NIBAN1: variants seen among roughly 807,000 people sequenced by gnomAD.
The protein encoded by NIBAN1 is protein Niban 1.
A neutral mutation model predicts 75.1 loss-of-function variants in NIBAN1; 81 were observed. The ratio of observed to expected loss-of-function variants is 1.08; its 90% CI spans 0.90 to 1.30. NIBAN1 has a LOEUF of 1.30. NIBAN1 is among the 50% of genes most tolerant of loss of function. The pLI, the probability that NIBAN1 is intolerant of heterozygous loss-of-function variation, is 0.00. For missense variants in NIBAN1, 1,133 were observed against 1,128.1 expected (o/e 1.00, Z -0.06); for synonymous variants, 436 against 424.8 (o/e 1.03, Z -0.32).
intron 3 of NIBAN1, among the ~76,000 whole-genome samples, chr1:184,892,926 C>T (rs1656708593): frequency 6.6e-6 from 1 of 152,166 alleles, no homozygotes; most frequent in African/African-American, 2.4e-5. Flanking sequence ...CATGCACCAG[C>T]ATGCCCAGCT....
chr1:184,837,254 C>T (rs1354685454), intron 5 of NIBAN1, among the ~76,000 whole-genome samples: 1 of 152,144 alleles, frequency 6.6e-6, no homozygotes, highest in Non-Finnish European at 1.5e-5. Context: ...TGGTTTTTGG[C>T]TTTTAAGCAG....
intron 1 of NIBAN1, among the ~76,000 whole-genome samples, chr1:184,933,443 C>G (rs1033326229): frequency 6.6e-6 from 1 of 152,140 alleles, no homozygotes; most frequent in African/African-American, 2.4e-5. Context: ...CCTTTTAAAC[C>G]CCTTCTCTGG....
At chr1:184,842,758 C>T (rs536312858) in intron 5 of NIBAN1, among the ~76,000 whole-genome samples, 1 of 126,506 alleles carries the variant, frequency 7.9e-6, no homozygotes, top group African/African-American at 3.0e-5. Context: ...AAGTGAAACT[C>T]TGTCTCAAAA....
chr1:184,929,626 A>G (rs1657771598), intron 1 of NIBAN1, among the ~76,000 whole-genome samples: 1 of 152,178 alleles, frequency 6.6e-6, no homozygotes, highest in East Asian at 1.9e-4. Flanking sequence ...TTTAAGCATA[A>G]AACTCACTTG....
At chr1:184,842,142 C>A (rs1205407757) in intron 5 of NIBAN1, among the ~76,000 whole-genome samples, 1 of 152,212 alleles carries the variant, frequency 6.6e-6, no homozygotes, top group African/African-American at 2.4e-5. Flanking sequence ...TGGTTACAAA[C>A]AAACCCAGGT....
At chr1:184,900,223 G>C (rs948575997) in intron 1 of NIBAN1, among the ~76,000 whole-genome samples, 2 of 152,006 alleles carry the variant, frequency 1.3e-5, no homozygotes, top group Admixed American at 1.3e-4. Flanking sequence ...CAATATTTCT[G>C]GTTTAAAATT....
chr1:184,919,871 C>A (rs960834458), intron 1 of NIBAN1, among the ~76,000 whole-genome samples: 9 of 148,866 alleles, frequency 6.0e-5, no homozygotes, highest in Non-Finnish European at 1.3e-4. Context: ...TAATCACAGG[C>A]AATCAAAAGT....
chr1:184,828,264 T>C (rs75762256), intron 6 of NIBAN1, among the ~76,000 whole-genome samples: 2 of 152,272 alleles, frequency 1.3e-5, no homozygotes, highest in South Asian at 4.1e-4. Flanking sequence ...GGCCTTCCAT[T>C]CTTGCTGTGT....
At chr1:184,965,816 T>TA (rs941717013) in intron 1 of NIBAN1, among the ~76,000 whole-genome samples, 7 of 151,752 alleles carry the variant, frequency 4.6e-5, no homozygotes, top group African/African-American at 1.2e-4. Flanking sequence ...AAATAAAAGT[T>TA]AAAAAAAAGG....
intron 1 of NIBAN1, among the ~76,000 whole-genome samples, chr1:184,956,426 C>T (rs188727701): frequency 2.6e-5 from 4 of 152,286 alleles, no homozygotes; most frequent in East Asian, 1.9e-4. Context: ...TAACCTTCAA[C>T]TCAAATTCAG....
At chr1:184,872,698 ACT>A (rs1363923204) in intron 5 of NIBAN1, among the ~76,000 whole-genome samples, 2 of 150,956 alleles carry the variant, frequency 1.3e-5, no homozygotes, top group Admixed American at 1.3e-4. Flanking sequence ...CAAGAGGGAA[ACT>A]CTGTATCAAA....
intron 1 of NIBAN1, among the ~76,000 whole-genome samples, chr1:184,905,762 C>A (rs893278694): frequency 2.6e-5 from 4 of 152,190 alleles, no homozygotes. Flanking sequence ...TATAGCTTAT[C>A]TCTCCTCCAA....
intron 9 of NIBAN1, among the ~76,000 whole-genome samples, chr1:184,818,204 G>A (rs754682504): frequency 6.6e-6 from 1 of 152,136 alleles, no homozygotes; most frequent in East Asian, 1.9e-4. Flanking sequence ...TTCTACAAAT[G>A]AGGATATATA....
chr1:184,896,694 T>A (rs1376558394), intron 2 of NIBAN1, among the ~76,000 whole-genome samples: 2 of 152,212 alleles, frequency 1.3e-5, no homozygotes, highest in South Asian at 2.1e-4. Flanking sequence ...CTTAGGTTTT[T>A]AATCCATCTG....
In NIBAN1 at chr1:184,812,090, G is replaced by T. The variant is rs528849705; in HGVS notation, c.1174-3855C>A. 7.2e-5 allele frequency among the ~76,000 whole-genome samples: 11 copies of T among 152,292 alleles called. No individual in the cohort carries two copies. In the East Asian group the frequency reaches 2.1e-3, roughly 29 times the overall value. On this transcript the variant is annotated intron_variant, in intron 9 of 13. Transcript: ENST00000367511. ...AGTGTCGCTGAAATGAATGGGTCTT[G>T]CTCTGGCCTCCCTGAGCTCTTCACC...
At chr1:184,800,790 C>A (rs548675384) in intron 12 of NIBAN1, among the ~76,000 whole-genome samples, 1 of 152,198 alleles carries the variant, frequency 6.6e-6, no homozygotes, top group African/African-American at 2.4e-5. Flanking sequence ...TGGGCATATA[C>A]CTAAAAGTGA....
At chr1:184,969,695 T>C (rs1442624151) in intron 1 of NIBAN1, among the ~76,000 whole-genome samples, 1 of 150,144 alleles carries the variant, frequency 6.7e-6, no homozygotes, top group Non-Finnish European at 1.5e-5. Context: ...TTTCTTTCTT[T>C]TTTTTTTTTT....
At chr1:184,927,884 C>T (rs1379885470) in intron 1 of NIBAN1, among the ~76,000 whole-genome samples, 1 of 151,810 alleles carries the variant, frequency 6.6e-6, no homozygotes, top group Non-Finnish European at 1.5e-5. Context: ...AAATCTTTTA[C>T]ACTCTTCCCT....
Position 184,884,779 on chromosome 1 carries a change from G to A in NIBAN1, c.455C>T (p.Thr152Ile). 6.2e-7 allele frequency: 1 copy of A among 1,614,122 alleles called. No homozygotes were observed. Among genetic ancestry groups the A allele is most frequent in the Non-Finnish European group, 8.5e-7 (1 of 1,179,966 alleles). ...DPLASSEKEN[T>I]QPFVVLPKEF... ...CTTGGGCAGGACCACAAAGGGCTGA[G>A]TGTTCTCCTTCTCACTGGAGGCTAA... Residue 152 changes from threonine to isoleucine, a missense_variant, in exon 5 of 14, where the codon ACT (threonine) becomes ATT (isoleucine). Physicochemically the swap from Thr to Ile is moderately conservative, Grantham distance 89 (BLOSUM62 -1). Transcript: ENST00000367511.
Sources: gnomAD v4.1 joint callset for allele counts (sites outside exome capture counted in the v4.1 genomes callset) on GRCh38, gnomAD v4.1.1 for gene constraint, MANE v1.5 for transcripts, NCBI Gene and HGNC (gene_info 2026-07-23, HGNC 2026-07-21) for gene names.